The following IFT80 variants were observed in gnomAD, a reference collection of about 807,000 sequenced individuals.
IFT80 encodes intraflagellar transport protein 80 homolog.
IFT80 carries 79 observed loss-of-function variants against 107.9 expected under a neutral mutation model. The observed-to-expected ratio is 0.73, with a 90% CI of 0.61 to 0.88. The LOEUF is 0.88. Ranked by LOEUF, IFT80 falls within the 40% of genes least tolerant of loss-of-function variation. The pLI is 0.00. For synonymous variants in IFT80, 299 were observed against 300.9 expected (o/e 0.99, Z 0.07); for missense variants, 797 against 914.2 (o/e 0.87, Z 1.65).
intron 18 of IFT80, 95 bp downstream of exon 18, chr3:160,277,211 A>G: frequency 1.9e-6 from 2 of 1,080,466 alleles, no homozygotes; most frequent in Non-Finnish European, 2.9e-6. Context: ...TTAAGAAACT[A>G]AAATATAGTG....
chr3:160,258,421 C>A lies in IFT80; in HGVS notation c.*104G>T. 1 of 1,389,518 alleles carries A rather than the reference C, an allele frequency of 7.2e-7. No homozygotes were observed. The highest frequency in any genetic ancestry group is 1.0e-6 in the Non-Finnish European group (1 of 996,874). The allele number at this position is 1,389,518 out of a possible 1,614,324, so 86.1% of individuals were successfully genotyped here. A position where few individuals can be genotyped will look rare whatever the true frequency, so the allele number is the denominator to read the frequency against. On this transcript the variant is annotated 3_prime_UTR_variant, in exon 20 of 20. Transcript: ENST00000326448. ...TAAATACACAGCAAGTACTTATACT[C>A]GGTTAAAGATTATGCTTTTTTCTTT...
chr3:160,299,058 A>T (rs1370235826), intron 12 of IFT80: 1 of 923,462 alleles, frequency 1.1e-6, no homozygotes, highest in African/African-American at 1.8e-5. Context: ...GAATAAGGAA[A>T]GCATAGACAA....
chr3:160,343,835 T>G (rs1720092366), intron 8 of IFT80: 1 of 299,110 alleles, frequency 3.3e-6, no homozygotes, highest in Non-Finnish European at 6.6e-6. Context: ...AAACAGAATT[T>G]ATTTTATTTA....
chr3:160,294,211 G>T (rs1453497994), intron 12 of IFT80, among the ~76,000 whole-genome samples: 1 of 151,926 alleles, frequency 6.6e-6, no homozygotes, highest in Non-Finnish European at 1.5e-5. Context: ...GCAGGCCTTT[G>T]TCCTTAACTT....
intron 19 of IFT80, among the ~76,000 whole-genome samples, chr3:160,265,797 A>G (rs1713268465): frequency 6.6e-6 from 1 of 152,180 alleles, no homozygotes; most frequent in Non-Finnish European, 1.5e-5. Context: ...AAATCACCAG[A>G]TATCTAGAAT....
rs1456817367 is a variant in IFT80, at chr3:160,304,707, T to C, written c.1077-718A>G. On this transcript the variant is annotated intron_variant, in intron 10 of 19. Coordinates refer to ENST00000326448, the MANE Select transcript of IFT80 (RefSeq NM_020800.3). ...GCCTCTGCCTCCCAAAGTGCTGGGA[T>C]TACAGGCATGAGCCACTGTGCCTGC... is the stretch of plus-strand genomic sequence containing the variant. Among the ~76,000 whole-genome samples the C allele has an allele frequency of 2.6e-5, 4 of 152,148 alleles. No individual in the cohort carries two copies. The East Asian group carries it at 7.7e-4, about 29-fold the overall frequency.
chr3:160,282,725 AT>A, intron 13 of IFT80, 112 bp from the exon 14 acceptor site: 1 of 700,770 alleles, frequency 1.4e-6, no homozygotes, highest in Non-Finnish European at 2.4e-6. Flanking sequence ...TCATTTCCCC[AT>A]TTATAATGAT....
chr3:160,364,057 G>C (rs1721682800), intron 6 of IFT80, among the ~76,000 whole-genome samples: 1 of 152,144 alleles, frequency 6.6e-6, no homozygotes, highest in Non-Finnish European at 1.5e-5. Flanking sequence ...ACTACCATCA[G>C]AGTGAACAGG....
At chr3:160,259,202 C>T (rs1267246789) in intron 19 of IFT80, among the ~76,000 whole-genome samples, 2 of 152,100 alleles carry the variant, frequency 1.3e-5, no homozygotes, top group Non-Finnish European at 2.9e-5. Flanking sequence ...AGCAAAGACT[C>T]TCATTGTGAT....
Position 160,344,020 on chromosome 3 carries a change from C to T in IFT80, c.777+11993G>A, listed in dbSNP as rs569376454. On this transcript the variant is annotated intron_variant, in intron 8 of 19. Transcript: ENST00000326448. ...GTTTCAAAGCTCTTGACAGATTTTACCAAACTATCCTTGAGAAAGGCTGTA... is the reference window on the plus strand; with the variant it reads ...GTTTCAAAGCTCTTGACAGATTTTATCAAACTATCCTTGAGAAAGGCTGTA... 1.2e-4 allele frequency among the ~76,000 whole-genome samples: 18 copies of T among 152,206 alleles called. No homozygotes were observed. In the South Asian group the frequency reaches 3.5e-3, roughly 30 times the overall value.
intron 5 of IFT80, among the ~76,000 whole-genome samples, chr3:160,371,380 C>T (rs1711518510): frequency 6.6e-6 from 1 of 152,208 alleles, no homozygotes; most frequent in African/African-American, 2.4e-5. Flanking sequence ...TCCACTCCCA[C>T]CTGCCACCAA....
At chr3:160,262,956 C>A (rs568515757) in intron 19 of IFT80, among the ~76,000 whole-genome samples, 9 of 152,114 alleles carry the variant, frequency 5.9e-5, no homozygotes, top group African/African-American at 2.2e-4. Flanking sequence ...GTTTTCTAGC[C>A]CTTATTTCTC....
intron 9 of IFT80, among the ~76,000 whole-genome samples, chr3:160,311,393 G>A (rs1424819216): frequency 6.6e-6 from 1 of 152,178 alleles, no homozygotes; most frequent in Non-Finnish European, 1.5e-5. Context: ...AATGTGATCT[G>A]TTACTGTAGA....
intron 5 of IFT80, among the ~76,000 whole-genome samples, chr3:160,372,087 C>G (rs542247645): frequency 6.6e-6 from 1 of 152,232 alleles, no homozygotes; most frequent in East Asian, 1.9e-4. Flanking sequence ...ATGACTAAAG[C>G]TTTTTCTATC....
intron 8 of IFT80, among the ~76,000 whole-genome samples, chr3:160,335,234 CTTTT>C (rs547574888): frequency 7.3e-6 from 1 of 136,598 alleles, no homozygotes; most frequent in Admixed American, 7.4e-5. Flanking sequence ...TTCTTTTTTT[CTTTT>C]TTTTTTTTTT....
At chr3:160,281,985 G>A (rs184253039) in intron 14 of IFT80, among the ~76,000 whole-genome samples, 31 of 152,146 alleles carry the variant, frequency 2.0e-4, no homozygotes, top group African/African-American at 7.5e-4. Flanking sequence ...CTGCTCTAAA[G>A]CTTTCAAATA....
intron 18 of IFT80, among the ~76,000 whole-genome samples, chr3:160,272,125 A>C (rs1203367667): frequency 6.6e-6 from 1 of 152,130 alleles, no homozygotes; most frequent in Non-Finnish European, 1.5e-5. Flanking sequence ...AAATTGCAAG[A>C]AAACACAAAA....
intron 8 of IFT80, among the ~76,000 whole-genome samples, chr3:160,337,935 T>C (rs1047887792): frequency 6.6e-6 from 1 of 152,186 alleles, no homozygotes; most frequent in Admixed American, 6.5e-5. Flanking sequence ...AAATATTTAT[T>C]GAATGGTAGC....
intron 10 of IFT80, among the ~76,000 whole-genome samples, chr3:160,307,076 T>C (rs922899904): frequency 6.6e-6 from 1 of 152,230 alleles, no homozygotes; most frequent in Non-Finnish European, 1.5e-5. Context: ...AGGAATCAAC[T>C]GGTAGTATGC....
Sources: allele counts gnomAD v4.1 joint callset (sites outside exome capture counted in the v4.1 genomes callset), GRCh38; gene constraint gnomAD v4.1.1; transcripts MANE v1.5; gene names NCBI Gene and HGNC (gene_info 2026-07-23, HGNC 2026-07-21).